The following EPC1 variants were observed in gnomAD, a reference collection of about 807,000 sequenced individuals.
The protein encoded by EPC1 is enhancer of polycomb 1.
In EPC1, 12 loss-of-function variants were observed where a neutral mutation model predicts 98.4. That is an observed-to-expected ratio of 0.12 (90% confidence interval 0.08 to 0.20). The LOEUF is 0.20. Ranked by LOEUF, EPC1 falls within the 10% of genes least tolerant of loss-of-function variation. The pLI is 1.00. For missense variants in EPC1, 729 were observed against 990.5 expected (o/e 0.74, Z 3.54); for synonymous variants, 357 against 363.9 (o/e 0.98, Z 0.21).
At chr10:32,320,865 G>C (rs1239153939) in intron 1 of EPC1, among the ~76,000 whole-genome samples, 1 of 151,936 alleles carries the variant, frequency 6.6e-6, no homozygotes. Flanking sequence ...GGGATTACAG[G>C]CGTGAGCCAC....
intron 2 of EPC1, among the ~76,000 whole-genome samples, chr10:32,296,552 G>A (rs1389018800): frequency 6.6e-6 from 1 of 152,190 alleles, no homozygotes; most frequent in African/African-American, 2.4e-5. Flanking sequence ...ACAAGGACCT[G>A]AGTGTCTGAG....
chr10:32,341,317 C>CTG (rs955653800), intron 1 of EPC1, among the ~76,000 whole-genome samples: 2 of 102,618 alleles, frequency 1.9e-5, no homozygotes, highest in African/African-American at 3.2e-5. Context: ...GGACACATGT[C>CTG]TGTGTGTGTG....
chr10:32,346,516 C>T (rs2133065468), intron 1 of EPC1: 1 of 508,238 alleles, frequency 2.0e-6, no homozygotes, highest in Non-Finnish European at 3.5e-6. Context: ...CTTTCGGGCC[C>T]CCGAACTCCG....
chr10:32,312,213 G>A (rs1165028022), intron 1 of EPC1, among the ~76,000 whole-genome samples: 1 of 152,160 alleles, frequency 6.6e-6, no homozygotes, highest in Non-Finnish European at 1.5e-5. Flanking sequence ...GTCGTGTCAA[G>A]GATCTGTCCT....
At chr10:32,378,387 GA>G in intron 1 of EPC1, 1 of 946,492 alleles carries the variant, frequency 1.1e-6, no homozygotes, top group Non-Finnish European at 1.6e-6. Flanking sequence ...CAAAGCTAAA[GA>G]AAAATACAAA....
chr10:32,346,936 C>T lies in EPC1; in HGVS notation c.-21G>A. On this transcript the variant is annotated 5_prime_UTR_variant, in exon 1 of 14. Coordinates refer to ENST00000319778, the MANE Select transcript of EPC1 (RefSeq NM_001272004.3). ...CTCATCTCAGGCGCAGCAGATACCT[C>T]TCCGCTCTGGGGAAACGGCCCCGGC... is the stretch of plus-strand genomic sequence containing the variant. The T allele has an allele frequency of 6.2e-7, 1 of 1,611,272 alleles. No individual in the cohort carries two copies. The highest frequency in any genetic ancestry group is 1.1e-5 in the South Asian group (1 of 91,072).
chr10:32,287,485 AAT>A (rs1245975355), intron 6 of EPC1, among the ~76,000 whole-genome samples: 1 of 152,224 alleles, frequency 6.6e-6, no homozygotes, highest in Non-Finnish European at 1.5e-5. Context: ...ATCTAAACAT[AAT>A]CACACAAATG....
intron 6 of EPC1, among the ~76,000 whole-genome samples, chr10:32,288,312 C>CTTTTTTTTTTTTT (rs5784278): frequency 5.6e-5 from 7 of 124,098 alleles, no homozygotes; most frequent in African/African-American, 9.7e-5. Context: ...TTACTTTTTT[C>CTTTTTTTTTTTTT]TTTTTTTTTT....
At chr10:32,281,411 T>C (rs1380361989) in intron 10 of EPC1, among the ~76,000 whole-genome samples, 1 of 152,174 alleles carries the variant, frequency 6.6e-6, no homozygotes, top group African/African-American at 2.4e-5. Flanking sequence ...CATCAGAGTT[T>C]CTTTGGTTAA....
intron 1 of EPC1, among the ~76,000 whole-genome samples, chr10:32,330,919 G>C: frequency 6.6e-6 from 1 of 152,106 alleles, no homozygotes; most frequent in East Asian, 1.9e-4. Context: ...ACAAAAGTTA[G>C]AATGTCTGAT....
chr10:32,330,989 TAATG>T (rs1837607618), intron 1 of EPC1, among the ~76,000 whole-genome samples: 1 of 152,104 alleles, frequency 6.6e-6, no homozygotes, highest in South Asian at 2.1e-4. Flanking sequence ...AAATAAAACT[TAATG>T]AATGCTTTAA....
upstream of EPC1, among the ~76,000 whole-genome samples, chr10:32,347,692 C>T (rs556167813): frequency 3.0e-4 from 46 of 152,286 alleles, no homozygotes; most frequent in Non-Finnish European, 5.9e-4. Context: ...GGGGCGAACG[C>T]ACAGCCTAGT....
chr10:32,284,652 G>T, intron 10 of EPC1, 46 bp downstream of exon 10: 1 of 1,456,824 alleles, frequency 6.9e-7, no homozygotes, highest in Non-Finnish European at 9.4e-7. Context: ...GAAATGGTTG[G>T]ACCTGACATT....
intron 2 of EPC1, among the ~76,000 whole-genome samples, chr10:32,297,378 T>A (rs895681973): frequency 6.6e-6 from 1 of 150,434 alleles, no homozygotes; most frequent in Non-Finnish European, 1.5e-5. Flanking sequence ...GCCTCTCGGG[T>A]TCAAGCGATA....
chr10:32,330,302 T>C (rs1435901093), intron 1 of EPC1, among the ~76,000 whole-genome samples: 2 of 152,166 alleles, frequency 1.3e-5, no homozygotes, highest in African/African-American at 2.4e-5. Context: ...TCTGAAATAT[T>C]TGGAACTTAT....
chr10:32,299,916 T>G (rs2505337), intron 2 of EPC1, among the ~76,000 whole-genome samples: 105,883 of 149,590 alleles, frequency 0.71, 41,631 homozygotes, highest in East Asian at 0.96. Flanking sequence ...CAAAAATGAG[T>G]TTTTTTTTTT....
chr10:32,322,457 G>A (rs1836985607), intron 1 of EPC1, among the ~76,000 whole-genome samples: 1 of 152,162 alleles, frequency 6.6e-6, no homozygotes, highest in Admixed American at 6.5e-5. Context: ...ACCATCCAGA[G>A]AGAGGAGGAT....
chr10:32,321,727 G>C (rs377170776), intron 1 of EPC1, among the ~76,000 whole-genome samples: 3 of 151,820 alleles, frequency 2.0e-5, no homozygotes, highest in East Asian at 3.9e-4. Context: ...TCACTTGTCC[G>C]AAGTGGCGGA....
At chr10:32,329,996 G>T (rs1837544458) in intron 1 of EPC1, among the ~76,000 whole-genome samples, 1 of 152,194 alleles carries the variant, frequency 6.6e-6, no homozygotes, top group African/African-American at 2.4e-5. Context: ...GAATAAATGA[G>T]AAATGATTCT....
Sources: gnomAD v4.1 joint callset for allele counts (sites outside exome capture counted in the v4.1 genomes callset) on GRCh38, gnomAD v4.1.1 for gene constraint, MANE v1.5 for transcripts, NCBI Gene and HGNC (gene_info 2026-07-23, HGNC 2026-07-21) for gene names.